Variants in RTL1 observed in about 807,000 individuals in gnomAD.
RTL1 encodes the protein retrotransposon Gag like 1.
For synonymous variants in RTL1, 727 were observed against 748.4 expected (o/e 0.97, Z 0.47); for missense variants, 1,681 against 1,767.5 (o/e 0.95, Z 0.88).
intron 3 of RTL1, among the ~76,000 whole-genome samples, chr14:100,888,109 C>T (rs1291444121): frequency 1.3e-5 from 2 of 152,194 alleles, no homozygotes; most frequent in Non-Finnish European, 1.5e-5. Context: ...TGGCTGACAT[C>T]CGAACGCCTC....
chr14:100,883,109 T>G lies in RTL1; in HGVS notation c.1680A>C (p.Ser560=), dbSNP rs910550109. Reference sequence around the variant, plus strand: ...TCGGGTTAAACACGTCGGCCAGGTCTGAGTATGGGTGTGGCAGTCCGGGTA... The same window carrying G: ...TCGGGTTAAACACGTCGGCCAGGTCGGAGTATGGGTGTGGCAGTCCGGGTA... ...SLLPGLPHPY[S]DLADVFNPKE... The change falls in exon 4 of 4, where the codon TCA becomes TCC. Residue 560 remains serine, a synonymous_variant. Transcript: ENST00000649591. The surrounding 1 kb of genome is among the most constrained non-coding windows in gnomAD (Gnocchi z 5.9). The G allele has an allele frequency of 1.2e-6, 2 of 1,613,020 alleles. No homozygotes were observed. Among genetic ancestry groups the G allele is most frequent in the Non-Finnish European group, 8.5e-7 (1 of 1,179,650 alleles).
intron 3 of RTL1, among the ~76,000 whole-genome samples, chr14:100,887,074 C>T (rs963641558): frequency 1.3e-5 from 2 of 152,164 alleles, no homozygotes; most frequent in African/African-American, 4.8e-5. Flanking sequence ...CTATTTAACA[C>T]ATATAAAAAT....
chr14:100,902,176 G>GC (rs2140063048), intron 2 of RTL1, among the ~76,000 whole-genome samples: 1 of 152,316 alleles, frequency 6.6e-6, no homozygotes, highest in East Asian at 1.9e-4. Flanking sequence ...GCTTTGCTGA[G>GC]CCCTCCCCTG....
chr14:100,881,745 A>T lies in RTL1; in HGVS notation c.3044T>A (p.Leu1015Gln), dbSNP rs751389654. Residue 1015 changes from leucine (L) to glutamine (Q), a missense_variant, in exon 4 of 4, where the codon CTG becomes CAG. Coordinates refer to ENST00000649591, the MANE Select transcript of RTL1 (RefSeq NM_001134888.3). This position sits in a 1 kb window ranked among gnomAD's most constrained non-coding sequence, Gnocchi z 6.6. ...FQRNTAARQT[L>Q]LLASRGFPRD... ...GGGGAATCCCCTTGAGGCCAGCAGC[A>T]GGGTTTGCCTGGCGGCAGTGTTCCT... is the stretch of plus-strand genomic sequence containing the variant. 3.1e-6 allele frequency: 5 copies of T among 1,611,060 alleles called. No homozygotes were observed. The Admixed American group carries it at 8.4e-5, about 27-fold the overall frequency.
intron 2 of RTL1, chr14:100,898,066 C>T: frequency 4.6e-6 from 2 of 432,958 alleles, no homozygotes; most frequent in Non-Finnish European, 9.6e-6. Flanking sequence ...ATGTATGCAC[C>T]ATTGTTGATT....
Position 100,893,374 on chromosome 14 carries a change from C to T in RTL1, c.-87+70G>A, listed in dbSNP as rs536954773. 1.1e-4 allele frequency among the ~76,000 whole-genome samples: 17 copies of T among 152,240 alleles called. No individual in the cohort carries two copies. Among genetic ancestry groups the T allele is most frequent in the Non-Finnish European group, 2.1e-4 (14 of 68,014 alleles). On this transcript the variant is annotated intron_variant, in intron 3 of 3. Coordinates refer to ENST00000649591, the MANE Select transcript of RTL1 (RefSeq NM_001134888.3). This position sits in a 1 kb window ranked among gnomAD's most constrained non-coding sequence, Gnocchi z 4.2. ...GAGTGCCAGGCCATCCCATTCACTG[C>T]CCCACCTCCCCTGCCTGCCCACCCG... is the stretch of plus-strand genomic sequence containing the variant.
intron 2 of RTL1, among the ~76,000 whole-genome samples, chr14:100,896,672 G>T (rs2038860837): frequency 6.6e-6 from 1 of 152,068 alleles, no homozygotes; most frequent in Non-Finnish European, 1.5e-5. Context: ...GGCAAAGGTT[G>T]CTTCCCGTTC....
Position 100,883,435 on chromosome 14 carries a change from C to T in RTL1, c.1354G>A (p.Glu452Lys), listed in dbSNP as rs916275410. Reference sequence around the variant, plus strand: ...TGGACCGGCTGTGGGTACGGCTTCTCGTAGAGCTCGACGTAGTGCTCTTGG... The same window carrying T: ...TGGACCGGCTGTGGGTACGGCTTCTTGTAGAGCTCGACGTAGTGCTCTTGG... ...FAQEHYVELY[E>K]KPYPQPVQSV... The change falls in exon 4 of 4, where the codon GAG becomes AAG. Residue 452 changes from glutamate (E) to lysine (K), a missense_variant. Coordinates refer to ENST00000649591, the MANE Select transcript of RTL1 (RefSeq NM_001134888.3). This position sits in a 1 kb window ranked among gnomAD's most constrained non-coding sequence, Gnocchi z 5.9. 29 of 1,550,188 alleles carry T rather than the reference C, an allele frequency of 1.9e-5. No individual in the cohort carries two copies. Among genetic ancestry groups the T allele is most frequent in the African/African-American group, 2.7e-5 (2 of 73,012 alleles).
At chr14:100,901,530 G>T (rs766789215) in intron 2 of RTL1, among the ~76,000 whole-genome samples, 1 of 152,180 alleles carries the variant, frequency 6.6e-6, no homozygotes, top group African/African-American at 2.4e-5. Flanking sequence ...ACTGTGTGAG[G>T]AGCTTTCATG....
intron 2 of RTL1, among the ~76,000 whole-genome samples, chr14:100,899,521 C>T (rs760280593): frequency 5.3e-5 from 8 of 152,064 alleles, no homozygotes; most frequent in Admixed American, 1.3e-4. Flanking sequence ...CCCTGGGGAG[C>T]TTGTCAGGAG....
intron 2 of RTL1, among the ~76,000 whole-genome samples, chr14:100,894,203 G>A (rs900285024): frequency 1.3e-5 from 2 of 151,578 alleles, no homozygotes; most frequent in Admixed American, 1.3e-4. Context: ...CCAGCTACTT[G>A]GGAGGCTGAG....
At chr14:100,889,963 G>C (rs1023326019) in intron 3 of RTL1, among the ~76,000 whole-genome samples, 15 of 151,316 alleles carry the variant, frequency 9.9e-5, no homozygotes, top group African/African-American at 3.6e-4. Flanking sequence ...TCTGCGCTTT[G>C]CAGAAATCAT....
chr14:100,890,320 G>C (rs1334711326), intron 3 of RTL1, among the ~76,000 whole-genome samples: 1 of 151,822 alleles, frequency 6.6e-6, no homozygotes, highest in Non-Finnish European at 1.5e-5. Flanking sequence ...GGGGGCCATG[G>C]GGGGGACAAA....
intron 3 of RTL1, among the ~76,000 whole-genome samples, chr14:100,885,174 C>T (rs1311878874): frequency 1.3e-5 from 2 of 152,248 alleles, no homozygotes; most frequent in African/African-American, 4.8e-5. Context: ...GAGCAGCCAC[C>T]GTGGCAGGCG....
At chr14:100,885,148 T>C (rs751817099) in intron 3 of RTL1, among the ~76,000 whole-genome samples, 25 of 152,192 alleles carry the variant, frequency 1.6e-4, no homozygotes, top group Non-Finnish European at 2.6e-4. Flanking sequence ...TCACAGCCCA[T>C]AAATTCTGTG....
intron 2 of RTL1, chr14:100,894,674 G>A (rs1242923500): frequency 6.6e-6 from 1 of 152,342 alleles, no homozygotes; most frequent in Non-Finnish European, 1.5e-5. Flanking sequence ...CACCGAGTGA[G>A]CAGTTTCTCT....
chr14:100,883,658 C>G lies in RTL1; in HGVS notation c.1131G>C (p.Arg377=), dbSNP rs1032109645. 21 of 1,550,992 alleles carry G rather than the reference C, an allele frequency of 1.4e-5. No homozygotes were observed. Among genetic ancestry groups the G allele is most frequent in the Admixed American group, 2.0e-5 (1 of 50,978 alleles). ...MLRLPPEARP[R]NLTWIDSPAP... Reference sequence around the variant, plus strand: ...CAGGTGAGTCGATCCAGGTCAGGTTCCGGGGGCGGGCCTCGGGGGGCAGCC... The same window carrying G: ...CAGGTGAGTCGATCCAGGTCAGGTTGCGGGGGCGGGCCTCGGGGGGCAGCC... The change falls in exon 4 of 4, where the codon CGG becomes CGC. Residue 377 remains arginine, a synonymous_variant. Transcript: ENST00000649591. This position sits in a 1 kb window ranked among gnomAD's most constrained non-coding sequence, Gnocchi z 5.9.
At position 100,883,270 on chromosome 14, in the gene RTL1, G is replaced by T. The variant is rs553352259; in HGVS notation, c.1519C>A (p.Arg507Ser). The T allele has an allele frequency of 1.3e-6, 2 of 1,550,916 alleles. No homozygotes were observed. Among genetic ancestry groups the T allele is most frequent in the South Asian group, 1.2e-5 (1 of 83,988 alleles). ...SPNFSVVLGI[R>S]WLRVHAPEVD... ...TCGGGGGCGTGGACTCGGAGCCAGC[G>T]GATGCCTAGGACCACAGAGAAGTTC... Residue 507 changes from arginine to serine, a missense_variant, in exon 4 of 4, where the codon CGC becomes AGC. By Grantham distance (110) the Arg-to-Ser change is moderately radical. Transcript: ENST00000649591. This position sits in a 1 kb window ranked among gnomAD's most constrained non-coding sequence, Gnocchi z 5.9.
At chr14:100,900,076 GTTTGGTGAGAGTTTA>G (rs2140060290) in intron 2 of RTL1, among the ~76,000 whole-genome samples, 1 of 152,358 alleles carries the variant, frequency 6.6e-6, no homozygotes, top group African/African-American at 2.4e-5. Context: ...TTCCCGAAAA[GTTTGGTGAGAGTTTA>G]TTTTTATGTA....
Sources: gnomAD v4.1 joint callset for allele counts (sites outside exome capture counted in the v4.1 genomes callset) on GRCh38, gnomAD v4.1.1 for gene constraint, Gnocchi (gnomAD v3.1) non-coding constraint, MANE v1.5 for transcripts, NCBI Gene and HGNC (gene_info 2026-07-23, HGNC 2026-07-21) for gene names.